VRK2: variants seen among roughly 807,000 people sequenced by gnomAD.
The protein encoded by VRK2 is serine/threonine-protein kinase VRK2.
A neutral mutation model predicts 57.6 loss-of-function variants in VRK2; 60 were observed. That is an observed-to-expected ratio of 1.04 (90% CI 0.85 to 1.29). The LOEUF (loss-of-function observed/expected upper bound fraction) is 1.29, where lower values mean the gene tolerates loss of function less well. VRK2 is among the 50% of genes most tolerant of loss of function. The pLI is 0.00. For missense variants in VRK2, 705 were observed against 588.1 expected, an observed-to-expected ratio of 1.20 and a Z score of -2.06; for synonymous variants, 231 against 199.2, an observed-to-expected ratio of 1.16 and a Z score of -1.35.
At chr2:58,102,216 A>G (rs1234057818) in intron 7 of VRK2, among the ~76,000 whole-genome samples, 1 of 151,628 alleles carries the variant, frequency 6.6e-6, no homozygotes, top group African/African-American at 2.4e-5. Context: ...AAAAGCTGTT[A>G]AAGCATCATG....
intron 7 of VRK2, among the ~76,000 whole-genome samples, chr2:58,119,343 C>CAA (rs75250405): frequency 1.2e-4 from 13 of 109,232 alleles, no homozygotes; most frequent in African/African-American, 3.1e-4. Flanking sequence ...ACTAAAAATA[C>CAA]AAAAAAAAAA....
rs1466097055 is a variant in VRK2 at position 58,136,899 on chromosome 2, T to TC, written c.856+1700_856+1701insC. The stretch of plus-strand genomic sequence containing the variant: ...ATATTATATCATATATATGTGTATA[T>TC]ATATCATATATATATCATATATGTG... On this transcript the variant is annotated intron_variant, in intron 10 of 12. Transcript: ENST00000340157. Among the ~76,000 whole-genome samples, 10 of 12,722 alleles carry TC rather than the reference T, an allele frequency of 7.9e-4. No homozygotes were observed. In the East Asian group the frequency reaches 0.11, roughly 136 times the overall value. The allele number at this position is 12,722 out of a possible 152,430, so 8.3% of individuals were successfully genotyped here. A position where few individuals can be genotyped will look rare whatever the true frequency, so the allele number is the denominator to read the frequency against.
chr2:57,970,225 T>C (rs1672054198), intron 1 of VRK2, among the ~76,000 whole-genome samples: 1 of 149,552 alleles, frequency 6.7e-6, no homozygotes, highest in South Asian at 2.1e-4. Context: ...TATATACACA[T>C]ATATATTCAC....
intron 1 of VRK2, among the ~76,000 whole-genome samples, chr2:57,974,283 A>G (rs909872624): frequency 1.3e-5 from 2 of 152,018 alleles, no homozygotes; most frequent in African/African-American, 2.4e-5. Flanking sequence ...CAAAATTGTC[A>G]GATCAAGTGT....
rs144022299 is a variant in VRK2, at chr2:58,006,111, A to C, written c.-438-19554A>C. Among the ~76,000 whole-genome samples the C allele has an allele frequency of 1.8e-4, 27 of 152,314 alleles. 1 individual carries two copies. In the East Asian group the frequency reaches 5.0e-3, roughly 28 times the overall value. ...CCCCTGAGGGTATGTGCTACCCTCC[A>C]GAAGAACTACTTGAGTTTTCTACTT... On this transcript the variant is annotated intron_variant, in intron 1 of 15. Coordinates refer to the VRK2 transcript ENST00000417641.
intron 2 of VRK2, among the ~76,000 whole-genome samples, chr2:58,057,972 A>G (rs1002648193): frequency 6.6e-6 from 1 of 152,114 alleles, no homozygotes; most frequent in Non-Finnish European, 1.5e-5. Context: ...ACGTTTTGCA[A>G]AATCAATCAT....
intron 9 of VRK2, 114 bp from the exon 10 acceptor site, chr2:58,135,027 C>T: frequency 1.9e-6 from 2 of 1,048,800 alleles, no homozygotes; most frequent in Middle Eastern, 2.2e-4. Context: ...AAAAAAAAAG[C>T]ATTGAAAGTC....
In VRK2 at chr2:58,147,115, T is replaced by A. The variant is rs1321015203; in HGVS notation, c.1182+641T>A. 4 of 517,224 alleles carry A rather than the reference T, an allele frequency of 7.7e-6. No homozygotes were observed. The Admixed American group carries it at 7.8e-5, about 10-fold the overall frequency. The allele number at this position is 517,224 out of a possible 1,614,324, so 32.0% of individuals were successfully genotyped here. On this transcript the variant is annotated intron_variant, in intron 12 of 12. Coordinates refer to ENST00000340157, the MANE Select transcript of VRK2 (RefSeq NM_006296.7). ...GTTTACAGTATGAAACAGGATAATT[T>A]AATACCCCACCTTGTATACCCTACC...
chr2:58,019,707 A>T lies in VRK2; in HGVS notation c.-438-5958A>T, dbSNP rs558076574. On this transcript the variant is annotated intron_variant, in intron 1 of 15. Coordinates refer to the VRK2 transcript ENST00000417641. ...TATTCACCAAGCTGAATTTCTGTAG[A>T]TGACCAGAGCATCTAACTACTTCTC... 1.4e-4 allele frequency among the ~76,000 whole-genome samples: 22 copies of T among 152,354 alleles called. No homozygotes were observed. In the South Asian group the frequency reaches 4.6e-3, roughly 32 times the overall value.
chr2:58,142,646 A>G (rs938760901), intron 11 of VRK2, among the ~76,000 whole-genome samples: 11 of 151,842 alleles, frequency 7.2e-5, no homozygotes, highest in African/African-American at 2.7e-4. Flanking sequence ...TTAATTTCCA[A>G]AATTCACTGA....
chr2:57,963,261 CAT>C (rs1191220802), intron 1 of VRK2, among the ~76,000 whole-genome samples: 2 of 152,152 alleles, frequency 1.3e-5, no homozygotes, highest in African/African-American at 4.8e-5. Flanking sequence ...AAGCTCAGCT[CAT>C]GTGTCTGTAG....
chr2:58,092,745 T>C (rs913750135), intron 7 of VRK2, among the ~76,000 whole-genome samples: 5 of 152,180 alleles, frequency 3.3e-5, no homozygotes, highest in African/African-American at 4.8e-5. Context: ...ACATGTGCCA[T>C]GTTGGTGTGC....
At chr2:57,930,391 C>T (rs185081842) in intron 1 of VRK2, among the ~76,000 whole-genome samples, 4 of 152,292 alleles carry the variant, frequency 2.6e-5, no homozygotes, top group Admixed American at 2.6e-4. Flanking sequence ...CGCTCCCTCC[C>T]CCAAACACAT....
At chr2:58,055,161 A>G (rs546347644) in intron 2 of VRK2, among the ~76,000 whole-genome samples, 2 of 152,212 alleles carry the variant, frequency 1.3e-5, no homozygotes, top group Non-Finnish European at 2.9e-5. Context: ...TGCGTTCTGC[A>G]TGCTGCCCCT....
At chr2:57,999,354 CAT>C (rs1429069653) in intron 1 of VRK2, among the ~76,000 whole-genome samples, 1 of 152,034 alleles carries the variant, frequency 6.6e-6, no homozygotes, top group Non-Finnish European at 1.5e-5. Flanking sequence ...AATATTTATA[CAT>C]AGTTTGATAA....
chr2:58,129,628 T>G lies in VRK2; in HGVS notation c.677-2180T>G, dbSNP rs533263271. Among the ~76,000 whole-genome samples the G allele has an allele frequency of 5.3e-5, 8 of 152,310 alleles. No individual in the cohort carries two copies. In the South Asian group the frequency reaches 1.4e-3, roughly 28 times the overall value. ...ATATTGTCATCTAGAACATTTGTTT[T>G]TAATTAATTTAACAGGTATTAAAAT... is the stretch of plus-strand genomic sequence containing the variant. On this transcript the variant is annotated intron_variant, in intron 8 of 12. Coordinates refer to ENST00000340157, the MANE Select transcript of VRK2 (RefSeq NM_006296.7).
intron 2 of VRK2, among the ~76,000 whole-genome samples, chr2:58,082,492 G>A (rs540565183): frequency 6.6e-6 from 1 of 151,930 alleles, no homozygotes; most frequent in East Asian, 1.9e-4. Context: ...GGCCAAGGTT[G>A]GAACAGGATA....
At position 58,039,754 on chromosome 2, in the gene VRK2, C is replaced by T. The variant is rs140513160; in HGVS notation, c.-6+6201C>T. On this transcript the variant is annotated intron_variant, in intron 3 of 15. Coordinates refer to the VRK2 transcript ENST00000417641. Reference sequence around the variant, plus strand: ...AAAGCATATAACCTAAAACCTTTTACGGGATAAAAAATAAAACACTAAAAG... The same window carrying T: ...AAAGCATATAACCTAAAACCTTTTATGGGATAAAAAATAAAACACTAAAAG... Among the ~76,000 whole-genome samples, 17 of 151,892 alleles carry T rather than the reference C, an allele frequency of 1.1e-4. No homozygotes were observed. In the East Asian group the frequency reaches 1.4e-3, roughly 12 times the overall value.
chr2:58,154,982 T>C (rs936832649), intron 12 of VRK2, among the ~76,000 whole-genome samples: 2 of 152,190 alleles, frequency 1.3e-5, no homozygotes, highest in Admixed American at 6.5e-5. Context: ...TATTGATTTC[T>C]AGTTTAATTA....
Sources: allele counts gnomAD v4.1 joint callset (sites outside exome capture counted in the v4.1 genomes callset), GRCh38; gene constraint gnomAD v4.1.1; transcripts MANE v1.5; gene names NCBI Gene and HGNC (gene_info 2026-07-23, HGNC 2026-07-21).